PCDHGA8: variants seen among roughly 807,000 people sequenced by gnomAD.
PCDHGA8 encodes protocadherin gamma subfamily A, 8, also known as protocadherin gamma-A8.
Under a neutral mutation model 59.2 loss-of-function variants are expected in PCDHGA8, and 45 were observed. The observed-to-expected ratio is 0.76, with a 90% CI of 0.60 to 0.98. PCDHGA8 has a LOEUF of 0.98. PCDHGA8 is among the 50% of genes least tolerant of loss of function. The pLI, the probability that PCDHGA8 is intolerant of heterozygous loss-of-function variation, is 0.00. For synonymous variants in PCDHGA8, 531 were observed against 519.0 expected (o/e 1.02, Z -0.32); for missense variants, 1,257 against 1,196.2 (o/e 1.05, Z -0.75).
intron 1 of PCDHGA8, chr5:141,423,051 CCTG>C (rs771403541): frequency 2.5e-6 from 4 of 1,614,208 alleles, no homozygotes; most frequent in Admixed American, 1.7e-5. Flanking sequence ...TGTCCTATCG[CCTG>C]CTTAAGGCCA....
intron 1 of PCDHGA8, chr5:141,426,685 A>C (rs1342844985): frequency 4.6e-6 from 2 of 432,608 alleles, no homozygotes; most frequent in African/African-American, 2.0e-5. Flanking sequence ...CATTTTCCCC[A>C]AAATAGCATT....
At chr5:141,434,698 A>G (rs2097710714) in intron 1 of PCDHGA8, among the ~76,000 whole-genome samples, 1 of 152,070 alleles carries the variant, frequency 6.6e-6, no homozygotes, top group South Asian at 2.1e-4. Context: ...GTTAATAAAT[A>G]TGTGGGTAAA....
rs746046310 is a variant in PCDHGA8, at chr5:141,410,427, A to C, written c.2424+15190A>C. The C allele has an allele frequency of 1.9e-6, 3 of 1,613,714 alleles. No homozygotes were observed. The Admixed American group carries it at 5.0e-5, about 27-fold the overall frequency. On this transcript the variant is annotated intron_variant, in intron 1 of 3. Coordinates refer to ENST00000398604, the MANE Select transcript of PCDHGA8 (RefSeq NM_032088.2). ...AAGTCTGGACCTGTAGTTCCCCCCA[A>C]CTACAGTGAGGGGACTTTGCCTTAT...
At chr5:141,460,965 G>A (rs1398642676) in intron 1 of PCDHGA8, among the ~76,000 whole-genome samples, 21 of 114,476 alleles carry the variant, frequency 1.8e-4, no homozygotes, top group African/African-American at 8.5e-4. Flanking sequence ...ATATATATGT[G>A]TGTGTGTGTG....
At chr5:141,453,495 C>T (rs1490576605) in intron 1 of PCDHGA8, among the ~76,000 whole-genome samples, 1 of 151,968 alleles carries the variant, frequency 6.6e-6, no homozygotes, top group Admixed American at 6.6e-5. Flanking sequence ...AAAAGGTGTA[C>T]TCAGAAAATT....
chr5:141,441,627 G>C (rs1239011684), intron 1 of PCDHGA8: 1 of 223,512 alleles, frequency 4.5e-6, no homozygotes, highest in Non-Finnish European at 9.0e-6. Context: ...CAGTGACCTG[G>C]AGCCACAGGC....
rs530587453 is a variant in PCDHGA8 at position 141,392,664 on chromosome 5, C to CT, written c.-149dup. The CT allele has an allele frequency of 1.2e-6, 1 of 817,260 alleles. No homozygotes were observed. The highest frequency in any genetic ancestry group is 2.1e-5 in the South Asian group (1 of 47,710). The allele number at this position is 817,260 out of a possible 1,614,324, so 50.6% of individuals were successfully genotyped here. A position where few individuals can be genotyped will look rare whatever the true frequency, so the allele number is the denominator to read the frequency against. ...CACGAAGACCCGCAGATGCCACAAA[C>CT]TAACTGCTGGACTGCAGCGAAACCC... On this transcript the variant is annotated 5_prime_UTR_variant, in exon 1 of 4. The change creates a premature stop within an existing upstream ORF in the 5' untranslated region. Coordinates refer to ENST00000398604, the MANE Select transcript of PCDHGA8 (RefSeq NM_032088.2).
chr5:141,419,035 T>G, intron 1 of PCDHGA8: 1 of 1,613,954 alleles, frequency 6.2e-7, no homozygotes, highest in Non-Finnish European at 8.5e-7. Context: ...GTGTTCCATT[T>G]AAGATTCATT....
intron 1 of PCDHGA8, chr5:141,409,547 G>A (rs760802690): frequency 1.2e-6 from 2 of 1,613,936 alleles, no homozygotes; most frequent in Non-Finnish European, 1.7e-6. Flanking sequence ...CAACGACAAC[G>A]CCCCAGTTTT....
chr5:141,416,233 C>T (rs1313671195), intron 1 of PCDHGA8: 1 of 152,210 alleles, frequency 6.6e-6, no homozygotes, highest in Non-Finnish European at 1.5e-5. Flanking sequence ...ATTTTTCCAG[C>T]CCTATTTATA....
rs1430302094 is a variant in PCDHGA8, at chr5:141,393,912, G to A, written c.1099G>A (p.Ala367Thr). 6.2e-7 allele frequency: 1 copy of A among 1,613,924 alleles called. No homozygotes were observed. ...LENSLPGTVI[A>T]FLSVHDQDSG... ...AAATTCTCTTCCCGGGACAGTAATT[G>A]CCTTCTTGAGTGTGCATGACCAAGA... The change falls in exon 1 of 4, where the codon GCC (alanine) becomes ACC (threonine). Residue 367 changes from alanine to threonine, a missense_variant. Coordinates refer to ENST00000398604, the MANE Select transcript of PCDHGA8 (RefSeq NM_032088.2).
chr5:141,510,428 G>A (rs1254357998), intron 3 of PCDHGA8, among the ~76,000 whole-genome samples: 2 of 152,092 alleles, frequency 1.3e-5, no homozygotes, highest in African/African-American at 4.8e-5. Flanking sequence ...TGGTTTCATG[G>A]CTGCTGCCCT....
intron 1 of PCDHGA8, chr5:141,419,682 T>C (rs758536078): frequency 6.2e-7 from 1 of 1,612,950 alleles, no homozygotes; most frequent in Non-Finnish European, 8.5e-7. Flanking sequence ...TCCTACCACG[T>C]GGTGCAGGCC....
chr5:141,468,486 TG>T (rs1562016448), intron 1 of PCDHGA8: 14 of 152,288 alleles, frequency 9.2e-5, no homozygotes. Context: ...GTAGGTCTCA[TG>T]GAAGATTTTC....
intron 1 of PCDHGA8, among the ~76,000 whole-genome samples, chr5:141,458,338 G>A (rs1160200932): frequency 2.6e-5 from 4 of 152,134 alleles, no homozygotes; most frequent in African/African-American, 9.7e-5. Context: ...GTTTTAAGGA[G>A]TGGAGAGTTT....
At chr5:141,402,103 A>C (rs565155809) in intron 1 of PCDHGA8, among the ~76,000 whole-genome samples, 3 of 152,336 alleles carry the variant, frequency 2.0e-5, no homozygotes, top group African/African-American at 4.8e-5. Flanking sequence ...TTAAGCAATT[A>C]CAAAAATGTG....
intron 1 of PCDHGA8, chr5:141,426,336 C>T (rs779025306): frequency 1.7e-4 from 31 of 187,682 alleles, no homozygotes; most frequent in Non-Finnish European, 2.8e-4. Context: ...GGCAAGCACT[C>T]TTCCCTTTCC....
chr5:141,478,849 C>A, intron 1 of PCDHGA8: 1 of 1,375,282 alleles, frequency 7.3e-7, no homozygotes, highest in Non-Finnish European at 9.6e-7. Flanking sequence ...TAAGCTAAAA[C>A]ACAAGATCTC....
chr5:141,410,154 A>C (rs1254712035), intron 1 of PCDHGA8: 1 of 1,612,962 alleles, frequency 6.2e-7, no homozygotes, highest in Non-Finnish European at 8.5e-7. Flanking sequence ...GACGGTGGAC[A>C]GCCGCCACTC....
Sources: allele counts gnomAD v4.1 joint callset (sites outside exome capture counted in the v4.1 genomes callset), GRCh38; gene constraint gnomAD v4.1.1; transcripts MANE v1.5; gene names NCBI Gene and HGNC (gene_info 2026-07-23, HGNC 2026-07-21).